TLN2: variants seen among roughly 807,000 people sequenced by gnomAD.
The protein encoded by TLN2 is talin 2.
A neutral mutation model predicts 294.7 loss-of-function variants in TLN2; 118 were observed. The ratio of observed to expected loss-of-function variants is 0.40; its 90% CI spans 0.34 to 0.47. The LOEUF is 0.47. Among genes scored for constraint, TLN2 ranks in the 20% least tolerant of loss-of-function variants. The pLI is 0.84. For synonymous variants in TLN2, 1,431 were observed against 1,304.5 expected (o/e 1.10, Z -2.09); for missense variants, 3,083 against 3,282.2 (o/e 0.94, Z 1.48).
chr15:62,583,338 A>G (rs1313303593), intron 1 of TLN2, among the ~76,000 whole-genome samples: 1 of 152,192 alleles, frequency 6.6e-6, no homozygotes, highest in Non-Finnish European at 1.5e-5. Context: ...TGGTCTGACT[A>G]ATTGAAATTC....
At chr15:62,707,000 A>G in intron 19 of TLN2, 86 bp from the exon 20 acceptor site, 2 of 1,433,120 alleles carry the variant, frequency 1.4e-6, no homozygotes, top group South Asian at 1.6e-5. Context: ...AAAAAGATCA[A>G]ATGGAATTTT....
Position 62,477,920 on chromosome 15 carries a change from G to C in TLN2, c.-238+87235G>C, listed in dbSNP as rs1441959055. Among the ~76,000 whole-genome samples the C allele has an allele frequency of 2.0e-3, 274 of 139,202 alleles. 4 individuals are homozygous for C. Among genetic ancestry groups the C allele is most frequent in the African/African-American group, 6.9e-3 (261 of 38,024 alleles). 91.3% of individuals were successfully genotyped at this position (139,202 alleles called of 152,430 possible). A position where few individuals can be genotyped will look rare whatever the true frequency, so the allele number is the denominator to read the frequency against. On this transcript the variant is annotated intron_variant, in intron 1 of 58. Transcript: ENST00000636159. ...GGGATGGAGGGGGGGGTGCAGCGGGGGCAGAGGGGAGCGGGGCGTTGCAGG... is the reference window on the plus strand; with the variant it reads ...GGGATGGAGGGGGGGGTGCAGCGGGCGCAGAGGGGAGCGGGGCGTTGCAGG...
At chr15:62,618,903 T>C (rs2048533289) in intron 3 of TLN2, among the ~76,000 whole-genome samples, 1 of 152,212 alleles carries the variant, frequency 6.6e-6, no homozygotes, top group Non-Finnish European at 1.5e-5. Flanking sequence ...CTTGAGTTGC[T>C]GTTAATGTTA....
chr15:62,441,286 C>G (rs2035532500), intron 1 of TLN2, among the ~76,000 whole-genome samples: 1 of 152,204 alleles, frequency 6.6e-6, no homozygotes. Flanking sequence ...GGCTGGAGTG[C>G]AGTGGCACAA....
intron 45 of TLN2, among the ~76,000 whole-genome samples, chr15:62,791,285 C>T (rs1056150536): frequency 1.3e-5 from 2 of 152,010 alleles, no homozygotes; most frequent in Non-Finnish European, 2.9e-5. Context: ...ACCTGGGAGG[C>T]GGAGATTGCA....
intron 10 of TLN2, 29 bp downstream of exon 10, chr15:62,673,919 T>G: frequency 6.4e-7 from 1 of 1,572,940 alleles, no homozygotes; most frequent in Non-Finnish European, 8.7e-7. Context: ...ACTTTATTAT[T>G]CTCCTCACTC....
At chr15:62,776,449 T>C (rs1452681703) in intron 42 of TLN2, among the ~76,000 whole-genome samples, 1 of 152,216 alleles carries the variant, frequency 6.6e-6, no homozygotes, top group Non-Finnish European at 1.5e-5. Flanking sequence ...TCAACTTGTA[T>C]ATTTAGGAAC....
chr15:62,395,005 G>T (rs1384290794), intron 1 of TLN2, among the ~76,000 whole-genome samples: 1 of 152,126 alleles, frequency 6.6e-6, no homozygotes, highest in African/African-American at 2.4e-5. Context: ...TGAAAATGTA[G>T]AACAAGGAAT....
At chr15:62,836,849 G>A (rs1044867047) in intron 57 of TLN2, among the ~76,000 whole-genome samples, 4 of 152,104 alleles carry the variant, frequency 2.6e-5, no homozygotes, top group Admixed American at 6.5e-5. Flanking sequence ...TAATCATGGC[G>A]AGATACATTC....
intron 1 of TLN2, among the ~76,000 whole-genome samples, chr15:62,463,795 G>A (rs1343409264): frequency 1.3e-5 from 2 of 152,182 alleles, no homozygotes; most frequent in African/African-American, 4.8e-5. Context: ...GCTGAGGTGG[G>A]AGAATGGCAT....
chr15:62,686,952 G>A (rs1372757521), intron 12 of TLN2, among the ~76,000 whole-genome samples, 156 bp downstream of exon 12: 1 of 152,208 alleles, frequency 6.6e-6, no homozygotes, highest in Non-Finnish European at 1.5e-5. Flanking sequence ...GCAGGGAAGG[G>A]GATGGGTCCA....
At chr15:62,705,015 T>C (rs1246947502) in intron 19 of TLN2, among the ~76,000 whole-genome samples, 1 of 152,252 alleles carries the variant, frequency 6.6e-6, no homozygotes, top group African/African-American at 2.4e-5. Context: ...GTCACAATTC[T>C]TCCTTTAAAC....
chr15:62,805,606 C>A lies in TLN2; in HGVS notation c.6484C>A (p.Gln2162Lys). 6.3e-7 allele frequency: 1 copy of A among 1,591,292 alleles called. No individual in the cohort carries two copies. Among genetic ancestry groups the A allele is most frequent in the South Asian group, 1.1e-5 (1 of 88,456 alleles). Residue 2162 changes from glutamine (Q) to lysine (K), a missense_variant, in exon 51 of 59, where the codon CAG becomes AAG. Transcript: ENST00000636159. ...CTCTGTTTCTGACTTCCAGGTGTTC[C>A]AGTCAAAAGACGTACCTGAAAAGAC... ...ECIKQELTVF[Q>K]SKDVPEKTSS...
intron 2 of TLN2, among the ~76,000 whole-genome samples, chr15:62,616,054 A>T (rs1212391531): frequency 2.0e-5 from 3 of 152,196 alleles, no homozygotes; most frequent in Non-Finnish European, 4.4e-5. Flanking sequence ...TTTCTTAATA[A>T]GCTTTTAAGC....
At chr15:62,529,735 C>G (rs927759790) in intron 1 of TLN2, among the ~76,000 whole-genome samples, 5 of 152,086 alleles carry the variant, frequency 3.3e-5, no homozygotes, top group African/African-American at 1.2e-4. Context: ...ATTTACTTTT[C>G]AGTATTTTGC....
chr15:62,808,266 CTATTATAATTAA>C (rs2066431176), intron 51 of TLN2, among the ~76,000 whole-genome samples: 1 of 152,160 alleles, frequency 6.6e-6, no homozygotes, highest in Non-Finnish European at 1.5e-5. Flanking sequence ...TTTATGTCTA[CTATTATAATTAA>C]TGTTATAAAG....
chr15:62,611,517 C>G (rs1200144383), intron 2 of TLN2, among the ~76,000 whole-genome samples: 1 of 152,194 alleles, frequency 6.6e-6, no homozygotes, highest in Non-Finnish European at 1.5e-5. Flanking sequence ...AACTGGTGAA[C>G]ATTTGGGGAC....
In TLN2 at chr15:62,442,492, C is replaced by CAAA. The variant is rs756778889; in HGVS notation, c.-238+51808_-238+51809insAAA. Among the ~76,000 whole-genome samples, 63 of 65,440 alleles carry CAAA rather than the reference C, an allele frequency of 9.6e-4. 7 individuals carry two copies. Among genetic ancestry groups the CAAA allele is most frequent in the Admixed American group, 1.7e-3 (7 of 4,154 alleles). 42.9% of individuals were successfully genotyped at this position (65,440 alleles called of 152,430 possible). ...TGGGGCACAGAGTGAGACTCTGTCT[C>CAAA]AGAAAAAAAAAAAAAAAAAAAAAAA... On this transcript the variant is annotated intron_variant, in intron 1 of 58. Coordinates refer to ENST00000636159, the MANE Select transcript of TLN2 (RefSeq NM_015059.3).
At chr15:62,560,328 C>T (rs2042853582) in intron 1 of TLN2, among the ~76,000 whole-genome samples, 1 of 152,172 alleles carries the variant, frequency 6.6e-6, no homozygotes. Context: ...GCAACCTCCA[C>T]CTCCCGGGTT....
Sources: gnomAD v4.1 joint callset for allele counts (sites outside exome capture counted in the v4.1 genomes callset) on GRCh38, gnomAD v4.1.1 for gene constraint, MANE v1.5 for transcripts, NCBI Gene and HGNC (gene_info 2026-07-23, HGNC 2026-07-21) for gene names.